Variants in PCDHA5 observed in about 807,000 individuals in gnomAD.
The protein encoded by PCDHA5 is protocadherin alpha-5.
Under a neutral mutation model 61.6 loss-of-function variants are expected in PCDHA5, and 43 were observed. That is an observed-to-expected ratio of 0.70 (90% CI 0.55 to 0.90). The LOEUF (loss-of-function observed/expected upper bound fraction) is 0.90, where lower values mean the gene tolerates loss of function less well. Ranked by LOEUF, PCDHA5 falls within the 40% of genes least tolerant of loss-of-function variation. The pLI, the probability that PCDHA5 is intolerant of heterozygous loss-of-function variation, is 0.00. For missense variants in PCDHA5, 1,298 were observed against 1,222.7 expected (o/e 1.06, Z -0.92); for synonymous variants, 627 against 543.9 (o/e 1.15, Z -2.13).
chr5:140,925,048 C>A (rs574148178), intron 1 of PCDHA5, among the ~76,000 whole-genome samples: 1 of 150,658 alleles, frequency 6.6e-6, no homozygotes, highest in South Asian at 2.1e-4. Flanking sequence ...AAGTTTGAGA[C>A]CAGACTGGGC....
intron 1 of PCDHA5, chr5:140,929,452 T>C: frequency 1.5e-6 from 2 of 1,366,592 alleles, no homozygotes; most frequent in Non-Finnish European, 2.0e-6. Context: ...TTCTTAGCAC[T>C]TCCTGTGCCA....
intron 3 of PCDHA5, among the ~76,000 whole-genome samples, chr5:140,994,883 A>T (rs1197020328): frequency 6.6e-6 from 1 of 152,222 alleles, no homozygotes; most frequent in Non-Finnish European, 1.5e-5. Flanking sequence ...AAGAGATGTT[A>T]GGAAATGAGA....
Position 140,830,146 on chromosome 5 carries a change from C to A in PCDHA5, c.2352+6019C>A, listed in dbSNP as rs2150181875. 36 of 1,613,246 alleles carry A rather than the reference C, an allele frequency of 2.2e-5. No individual in the cohort carries two copies. The South Asian group carries it at 3.1e-4, about 14-fold the overall frequency. On this transcript the variant is annotated intron_variant, in intron 1 of 3. Coordinates refer to ENST00000529859, the MANE Select transcript of PCDHA5 (RefSeq NM_018908.3). ...AGGCGTCATCACGGGCGTCGGTGGG[C>A]GCCGCGGGCCCAGAGGCGGCGCTGG...
At chr5:140,863,049 G>A (rs781969311) in intron 1 of PCDHA5, 1 of 561,608 alleles carries the variant, frequency 1.8e-6, no homozygotes, top group Non-Finnish European at 3.5e-6. Flanking sequence ...TCAGCTGGCA[G>A]CACCCGTTCC....
chr5:140,843,046 C>T lies in PCDHA5; in HGVS notation c.2352+18919C>T, dbSNP rs2150350953. ...AGCCTCGGGTGGGTGGCACTGGTGGCGCAGCGAGCAAGCTGGTGCCGCGGT... is the reference window on the plus strand; with the variant it reads ...AGCCTCGGGTGGGTGGCACTGGTGGTGCAGCGAGCAAGCTGGTGCCGCGGT... On this transcript the variant is annotated intron_variant, in intron 1 of 3. Transcript: ENST00000529859. The T allele has an allele frequency of 2.5e-6, 4 of 1,594,998 alleles. 1 individual carries two copies. The highest frequency in any genetic ancestry group is 1.7e-5 in the Admixed American group (1 of 59,286).
intron 1 of PCDHA5, among the ~76,000 whole-genome samples, chr5:140,962,524 G>T (rs1410879766): frequency 6.6e-6 from 1 of 152,012 alleles, no homozygotes; most frequent in Non-Finnish European, 1.5e-5. Flanking sequence ...TAATATATTA[G>T]TTTTTTAGAA....
At chr5:140,963,303 G>A (rs2153735006) in intron 1 of PCDHA5, among the ~76,000 whole-genome samples, 1 of 152,286 alleles carries the variant, frequency 6.6e-6, no homozygotes, top group South Asian at 2.1e-4. Flanking sequence ...GAGAAAATAA[G>A]AAGCTGTTTG....
chr5:140,992,576 G>T (rs992150186), intron 3 of PCDHA5, among the ~76,000 whole-genome samples: 4 of 152,172 alleles, frequency 2.6e-5, no homozygotes, highest in Admixed American at 2.0e-4. Flanking sequence ...CATATTGCCT[G>T]CCTTGTATGC....
At position 140,856,753 on chromosome 5, in the gene PCDHA5, T is replaced by C. The variant is rs373420913; in HGVS notation, c.2352+32626T>C. 311 of 1,596,470 alleles carry C rather than the reference T, an allele frequency of 1.9e-4. 24 individuals are homozygous for C. Among genetic ancestry groups the C allele is most frequent in the Non-Finnish European group, 2.6e-4 (309 of 1,166,472 alleles). On this transcript the variant is annotated intron_variant, in intron 1 of 3. Coordinates refer to ENST00000529859, the MANE Select transcript of PCDHA5 (RefSeq NM_018908.3). ...TGCTGATCCTGGTGTTAGATGCCAA[T>C]GATAACGCCCCTATCTTTGACAGAC...
At chr5:140,989,657 A>G (rs1045043697) in intron 3 of PCDHA5, among the ~76,000 whole-genome samples, 7 of 152,228 alleles carry the variant, frequency 4.6e-5, no homozygotes, top group African/African-American at 1.7e-4. Flanking sequence ...CAATATTTTA[A>G]AAGAAACTCT....
intron 1 of PCDHA5, chr5:140,860,091 C>A (rs1199656209): frequency 4.0e-5 from 6 of 150,914 alleles, no homozygotes; most frequent in African/African-American, 1.5e-4. Context: ...GAGTTCAAGA[C>A]CAACCTGGGC....
At chr5:140,891,855 C>T (rs1282802499) in intron 1 of PCDHA5, among the ~76,000 whole-genome samples, 1 of 152,156 alleles carries the variant, frequency 6.6e-6, no homozygotes, top group Admixed American at 6.6e-5. Flanking sequence ...GAGCCTGTCC[C>T]TCTCTTATGC....
chr5:140,944,857 A>G (rs1288221644), intron 1 of PCDHA5, among the ~76,000 whole-genome samples: 1 of 152,078 alleles, frequency 6.6e-6, no homozygotes, highest in Non-Finnish European at 1.5e-5. Context: ...AATCATCCTT[A>G]TTTATCTTAA....
intron 1 of PCDHA5, chr5:140,883,651 G>T: frequency 6.2e-7 from 1 of 1,613,652 alleles, no homozygotes. Context: ...CCGAGTACAC[G>T]GTGTTCGTGA....
At chr5:140,828,289 G>A in intron 1 of PCDHA5, 1 of 1,614,116 alleles carries the variant, frequency 6.2e-7, no homozygotes, top group Non-Finnish European at 8.5e-7. Flanking sequence ...TGTTCAGGAT[G>A]GCCTCCAAAG....
chr5:140,900,840 T>A (rs6874218), intron 1 of PCDHA5, among the ~76,000 whole-genome samples: 3 of 151,950 alleles, frequency 2.0e-5, no homozygotes, highest in Non-Finnish European at 4.4e-5. Context: ...ATGTACAAAG[T>A]TTCCCTTTTT....
chr5:140,948,016 C>CTTTTT (rs72028473), intron 1 of PCDHA5, among the ~76,000 whole-genome samples: 13 of 30,044 alleles, frequency 4.3e-4, no homozygotes, highest in Non-Finnish European at 6.9e-4. Context: ...AGGAAGTACC[C>CTTTTT]TTTCTGGTTT....
intron 1 of PCDHA5, among the ~76,000 whole-genome samples, chr5:140,965,508 T>C (rs1278735339): frequency 6.6e-6 from 1 of 152,124 alleles, no homozygotes; most frequent in Non-Finnish European, 1.5e-5. Context: ...TTTTTTTTTT[T>C]TTTAACTGCA....
chr5:140,994,892 G>A (rs1554254386), intron 3 of PCDHA5, among the ~76,000 whole-genome samples: 2 of 152,192 alleles, frequency 1.3e-5, no homozygotes, highest in Non-Finnish European at 2.9e-5. Flanking sequence ...TAGGAAATGA[G>A]ATCAGAAATG....
Sources: gnomAD v4.1 joint callset for allele counts (sites outside exome capture counted in the v4.1 genomes callset) on GRCh38, gnomAD v4.1.1 for gene constraint, MANE v1.5 for transcripts, NCBI Gene and HGNC (gene_info 2026-07-23, HGNC 2026-07-21) for gene names.